Variants in DUSP8 observed in about 807,000 individuals in gnomAD.
DUSP8 encodes dual specificity phosphatase 8, also known as dual specificity protein phosphatase 8.
DUSP8 carries 15 observed loss-of-function variants against 38.7 expected under a neutral mutation model. The observed-to-expected ratio is 0.39, with a 90% CI of 0.26 to 0.60. The LOEUF (loss-of-function observed/expected upper bound fraction) is 0.60. DUSP8 is among the 20% of genes least tolerant of loss of function. The pLI, the probability that DUSP8 is intolerant of heterozygous loss-of-function variation, is 0.56. For synonymous variants in DUSP8, 458 were observed against 433.9 expected, an observed-to-expected ratio of 1.06 and a Z score of -0.69; for missense variants, 768 against 915.0, an observed-to-expected ratio of 0.84 and a Z score of 2.07.
chr11:1,570,974 G>A (rs1848881318), intron 1 of DUSP8, among the ~76,000 whole-genome samples: 1 of 143,378 alleles, frequency 7.0e-6, no homozygotes, highest in South Asian at 2.2e-4. Flanking sequence ...AGAGCACTGC[G>A]GAGCCACGCT....
At chr11:1,571,275 G>A (rs1027069641) in intron 1 of DUSP8, 1 of 152,264 alleles carries the variant, frequency 6.6e-6, no homozygotes, top group Admixed American at 6.5e-5. Flanking sequence ...CCAGCGCCGC[G>A]GCTGCCTCTG....
rs1285949895 is a variant in DUSP8 at position 1,555,955 on chromosome 11, A to C, written c.*563T>G. ...CAGCGGGGTGCCCTCCTTGCCACCA[A>C]GATTTGGTGCCTGGAGCTGATGGAG... On this transcript the variant is annotated 3_prime_UTR_variant, in exon 7 of 7. Transcript: ENST00000397374. 2 of 152,294 alleles carry C rather than the reference A, an allele frequency of 1.3e-5. No individual in the cohort carries two copies. The highest frequency in any genetic ancestry group is 4.8e-5 in the African/African-American group (2 of 41,496). 9.4% of individuals were successfully genotyped at this position (152,294 alleles called of 1,614,324 possible). A position where few individuals can be genotyped will look rare whatever the true frequency, so the allele number is the denominator to read the frequency against.
intron 1 of DUSP8, among the ~76,000 whole-genome samples, chr11:1,569,305 G>A (rs1158436471): frequency 1.3e-5 from 2 of 152,036 alleles, no homozygotes; most frequent in Non-Finnish European, 2.9e-5. Context: ...CTTCCAGGAG[G>A]CACCAGGCCG....
At position 1,555,271 on chromosome 11, in the gene DUSP8, T is replaced by A. The variant is rs76782264; in HGVS notation, c.*1247A>T. On this transcript the variant is annotated 3_prime_UTR_variant, in exon 7 of 7. Transcript: ENST00000397374. The stretch of plus-strand genomic sequence containing the variant: ...GAGAGCACCCTGGGAAAGGGGTGAA[T>A]GGGAGTTTCTCTCCTGAGCGGCCCC... The A allele has an allele frequency of 0.05, 49,693 of 987,578 alleles. 1,414 individuals carry two copies. Among genetic ancestry groups the A allele is most frequent in the Middle Eastern group, 0.12 (417 of 3,546 alleles). The allele number at this position is 987,578 out of a possible 1,614,324, so 61.2% of individuals were successfully genotyped here.
chr11:1,566,911 C>A (rs1352259640), intron 1 of DUSP8, among the ~76,000 whole-genome samples: 1 of 144,484 alleles, frequency 6.9e-6, no homozygotes, highest in Non-Finnish European at 1.6e-5. Flanking sequence ...TGATGACAAG[C>A]CTGTCACTGC....
rs544310338 is a variant in DUSP8 at position 1,570,385 on chromosome 11, G to C, written c.-109+1516C>G. On this transcript the variant is annotated intron_variant, in intron 1 of 6. Transcript: ENST00000397374. ...TCCAACCACCTCTCTCTCACTGTGG[G>C]TCTGCCCCTTTCCCTGCCTTCTGCA... is the stretch of plus-strand genomic sequence containing the variant. Among the ~76,000 whole-genome samples, 152 of 152,244 alleles carry C rather than the reference G, an allele frequency of 1.0e-3. 1 individual carries two copies. The highest frequency in any genetic ancestry group is 6.8e-3 in the Middle Eastern group (2 of 294).
rs1263798667 is a variant in DUSP8, at chr11:1,556,330, G to A, written c.*188C>T. The A allele has an allele frequency of 2.8e-6, 2 of 704,890 alleles. No individual in the cohort carries two copies. The highest frequency in any genetic ancestry group is 3.7e-5 in the African/African-American group (2 of 54,212). 43.7% of individuals were successfully genotyped at this position (704,890 alleles called of 1,614,324 possible). On this transcript the variant is annotated 3_prime_UTR_variant, in exon 7 of 7. Transcript: ENST00000397374. The surrounding 1 kb of genome is among the most constrained non-coding windows in gnomAD (Gnocchi z 5.2). ...GTTTAAATACCAGACAGTAAAAATA[G>A]AGCTCGAGGACCACCCGCACTGTTG...
At position 1,556,699 on chromosome 11, in the gene DUSP8, G is replaced by A. The variant is rs1241305926; in HGVS notation, c.1697C>T (p.Pro566Leu). 11 of 1,265,458 alleles carry A rather than the reference G, an allele frequency of 8.7e-6. No homozygotes were observed. In the Admixed American group the frequency reaches 4.0e-4, roughly 47 times the overall value. 78.4% of individuals were successfully genotyped at this position (1,265,458 alleles called of 1,614,324 possible). A position where few individuals can be genotyped will look rare whatever the true frequency, so the allele number is the denominator to read the frequency against. Residue 566 changes from proline (P) to leucine (L), a missense_variant, in exon 7 of 7, where the codon CCC becomes CTC. This residue lies in a region of DUSP8 where 474 missense variants were observed against 430.8 expected (regional missense o/e 1.10). Transcript: ENST00000397374. The surrounding 1 kb of genome is among the most constrained non-coding windows in gnomAD (Gnocchi z 5.2). ...LRRREAARAE[P>L]RDARTGWPEE... ...GGGCCAGCCGGTCCGCGCGTCCCGGGGCTCAGCCCTCGCTGCCTCCCGCCG... is the reference window on the plus strand; with the variant it reads ...GGGCCAGCCGGTCCGCGCGTCCCGGAGCTCAGCCCTCGCTGCCTCCCGCCG...
At chr11:1,565,519 G>C (rs1848787492) in intron 2 of DUSP8, 77 bp downstream of exon 2, 6 of 1,166,958 alleles carry the variant, frequency 5.1e-6, no homozygotes, top group African/African-American at 1.5e-5. Flanking sequence ...AGAGGAGGGG[G>C]GTGCTGCCCG....
intron 3 of DUSP8, among the ~76,000 whole-genome samples, chr11:1,562,691 G>A (rs866996314): frequency 6.6e-6 from 1 of 150,856 alleles, no homozygotes; most frequent in Non-Finnish European, 1.5e-5. Flanking sequence ...GCATGCACAT[G>A]CACACACACA....
intron 3 of DUSP8, among the ~76,000 whole-genome samples, chr11:1,562,046 C>T (rs1416649042): frequency 6.6e-6 from 1 of 152,224 alleles, no homozygotes; most frequent in Non-Finnish European, 1.5e-5. Context: ...CACAGAAAGG[C>T]AGTTCTGAGG....
rs1227599975 is a variant in DUSP8 at position 1,571,942 on chromosome 11, C to G, written c.-150G>C. The G allele has an allele frequency of 3.4e-5, 5 of 146,080 alleles. No homozygotes were observed. Among genetic ancestry groups the G allele is most frequent in the Admixed American group, 1.4e-4 (2 of 14,732 alleles). 9.0% of individuals were successfully genotyped at this position (146,080 alleles called of 1,614,324 possible). A position where few individuals can be genotyped will look rare whatever the true frequency, so the allele number is the denominator to read the frequency against. On this transcript the variant is annotated 5_prime_UTR_variant, in exon 1 of 7. Coordinates refer to ENST00000397374, the MANE Select transcript of DUSP8 (RefSeq NM_004420.3). Reference sequence around the variant, plus strand: ...TCGGGGGCGCTCCGGGGACCCGCGCCGCGCTCAGGGCGCCCGCTCGGCCGC... The same window carrying G: ...TCGGGGGCGCTCCGGGGACCCGCGCGGCGCTCAGGGCGCCCGCTCGGCCGC...
chr11:1,558,861 C>A lies in DUSP8; in HGVS notation c.537+28G>T. ...GAGCTCCTGCCCCTTTCCCATTGAC[C>A]ACCCCCCGAACTCCACTGCACACAC... On this transcript the variant is annotated intron_variant, in intron 4 of 6. Coordinates refer to ENST00000397374, the MANE Select transcript of DUSP8 (RefSeq NM_004420.3). The surrounding 1 kb of genome is among the most constrained non-coding windows in gnomAD (Gnocchi z 6.3). 1 of 1,573,834 alleles carries A rather than the reference C, an allele frequency of 6.4e-7. No homozygotes were observed. Among genetic ancestry groups the A allele is most frequent in the Non-Finnish European group, 8.6e-7 (1 of 1,156,522 alleles).
Position 1,558,849 on chromosome 11 carries a change from T to C in DUSP8, c.537+40A>G. On this transcript the variant is annotated intron_variant, in intron 4 of 6. Coordinates refer to ENST00000397374, the MANE Select transcript of DUSP8 (RefSeq NM_004420.3). This position sits in a 1 kb window ranked among gnomAD's most constrained non-coding sequence, Gnocchi z 6.3. ...AAGCTGCTTCTGGAGCTCCTGCCCC[T>C]TTCCCATTGACCACCCCCCGAACTC... The C allele has an allele frequency of 6.4e-7, 1 of 1,569,280 alleles. No individual in the cohort carries two copies. Among genetic ancestry groups the C allele is most frequent in the South Asian group, 1.2e-5 (1 of 86,162 alleles).
chr11:1,566,684 C>T (rs956891807), intron 1 of DUSP8, among the ~76,000 whole-genome samples: 1 of 152,194 alleles, frequency 6.6e-6, no homozygotes, highest in African/African-American at 2.4e-5. Context: ...CCACACAGTG[C>T]CTCTCCCCTA....
In DUSP8 at chr11:1,555,010, C is replaced by T. The variant is rs778454807; in HGVS notation, c.*1508G>A. ...CAGCAGAGAGGGCGGCTGGCTGGGG[C>T]GGGATGGGCGCCTCCCTGGCCCTGC... On this transcript the variant is annotated 3_prime_UTR_variant, in exon 7 of 7. Coordinates refer to ENST00000397374, the MANE Select transcript of DUSP8 (RefSeq NM_004420.3). 2.7e-5 allele frequency: 27 copies of T among 986,156 alleles called. No individual in the cohort carries two copies. Among genetic ancestry groups the T allele is most frequent in the Middle Eastern group, 4.5e-4 (1 of 2,218 alleles). The allele number at this position is 986,156 out of a possible 1,614,324, so 61.1% of individuals were successfully genotyped here. A position where few individuals can be genotyped will look rare whatever the true frequency, so the allele number is the denominator to read the frequency against.
Position 1,556,709 on chromosome 11 carries a change from T to C in DUSP8, c.1687A>G (p.Arg563Gly). ...GSDLRRREAA[R>G]AEPRDARTGW... ...GTCCGCGCGTCCCGGGGCTCAGCCC[T>C]CGCTGCCTCCCGCCGCCGCAGGTCG... The change falls in exon 7 of 7, where the codon AGG (arginine) becomes GGG (glycine). Residue 563 changes from arginine to glycine, a missense_variant. Around this residue, in one of 3 missense-constraint regions of DUSP8, gnomAD observed 474 missense variants for 430.8 expected, o/e 1.10. Coordinates refer to ENST00000397374, the MANE Select transcript of DUSP8 (RefSeq NM_004420.3). The surrounding 1 kb of genome is among the most constrained non-coding windows in gnomAD (Gnocchi z 5.2). 3.2e-6 allele frequency: 4 copies of C among 1,243,282 alleles called. No individual in the cohort carries two copies. Among genetic ancestry groups the C allele is most frequent in the Non-Finnish European group, 4.0e-6 (4 of 994,048 alleles). 77.0% of individuals were successfully genotyped at this position (1,243,282 alleles called of 1,614,324 possible). A position where few individuals can be genotyped will look rare whatever the true frequency, so the allele number is the denominator to read the frequency against.
Position 1,565,662 on chromosome 11 carries a change from C to A in DUSP8, c.165G>T (p.Val55=), listed in dbSNP as rs1431493105. ...CCTTGCCCTGCTGCAGCCGCCGCTT[C>A]ACCAGCTTGGAGCAGCAGATGTTGA... is the stretch of plus-strand genomic sequence containing the variant. ...SSVNICCSKL[V]KRRLQQGKVT... is the part of the protein sequence containing the mutation. Residue 55 remains valine, a synonymous_variant, in exon 2 of 7, where the codon GTG becomes GTT. Coordinates refer to ENST00000397374, the MANE Select transcript of DUSP8 (RefSeq NM_004420.3). The A allele has an allele frequency of 1.2e-6, 2 of 1,611,712 alleles. No homozygotes were observed. The highest frequency in any genetic ancestry group is 4.5e-5 in the East Asian group (2 of 44,864).
chr11:1,571,518 C>A (rs979485043), intron 1 of DUSP8: 1 of 152,236 alleles, frequency 6.6e-6, no homozygotes, highest in East Asian at 1.9e-4. Context: ...CCGGTTCTGG[C>A]CCCCGCGGGG....
Sources: gnomAD v4.1 joint callset for allele counts (sites outside exome capture counted in the v4.1 genomes callset) on GRCh38, gnomAD v4.1.1 for gene constraint, gnomAD v4.1.1 regional missense constraint, Gnocchi (gnomAD v3.1) non-coding constraint, MANE v1.5 for transcripts, NCBI Gene and HGNC (gene_info 2026-07-23, HGNC 2026-07-21) for gene names.